The following GRIN3A variants were observed in gnomAD, a reference collection of about 807,000 sequenced individuals.
GRIN3A encodes the protein glutamate receptor ionotropic, NMDA 3A.
In GRIN3A, 47 loss-of-function variants were observed where a neutral mutation model predicts 92.4. That is an observed-to-expected ratio of 0.51 (90% confidence interval 0.40 to 0.65). The LOEUF (loss-of-function observed/expected upper bound fraction) is 0.65. Among genes scored for constraint, GRIN3A ranks in the 30% least tolerant of loss-of-function variants. The pLI is 0.00. For synonymous variants in GRIN3A, 527 were observed against 540.6 expected (o/e 0.97, Z 0.35); for missense variants, 1,324 against 1,393.1 (o/e 0.95, Z 0.79).
chr9:101,690,043 A>G (rs561661494), intron 1 of GRIN3A, among the ~76,000 whole-genome samples: 1 of 152,344 alleles, frequency 6.6e-6, no homozygotes, highest in Admixed American at 6.5e-5. Context: ...TCTATCATGC[A>G]GATAGAGTGA....
intron 2 of GRIN3A, among the ~76,000 whole-genome samples, chr9:101,672,749 T>C (rs1349430949): frequency 6.6e-6 from 1 of 152,154 alleles, no homozygotes; most frequent in Non-Finnish European, 1.5e-5. Context: ...AAACTGTTCA[T>C]TTTGGAAGAT....
rs1830226832 is a variant in GRIN3A, at chr9:101,737,577, G to A, written c.403C>T (p.Leu135=). The change falls in exon 1 of 9, where the codon CTG becomes TTG. Residue 135 remains leucine (L), a synonymous_variant. Coordinates refer to ENST00000361820, the MANE Select transcript of GRIN3A (RefSeq NM_133445.3). Reference sequence around the variant, plus strand: ...GGTAGCAGCCCTTCCACGCGGTTCAGGTTGTCCACGGCAAATAGGAGGGCG... The same window carrying A: ...GGTAGCAGCCCTTCCACGCGGTTCAAGTTGTCCACGGCAAATAGGAGGGCG... The part of the protein sequence containing the change: ...RDALLFAVDN[L]NRVEGLLPYN... 1.9e-6 allele frequency: 3 copies of A among 1,614,134 alleles called. No homozygotes were observed. Among genetic ancestry groups the A allele is most frequent in the Non-Finnish European group, 2.5e-6 (3 of 1,180,028 alleles).
rs1011700327 is a variant in GRIN3A, at chr9:101,738,205, C to A, written c.-226G>T. The A allele has an allele frequency of 1.7e-6, 1 of 603,668 alleles. No homozygotes were observed. The highest frequency in any genetic ancestry group is 1.9e-5 in the African/African-American group (1 of 53,984). The allele number at this position is 603,668 out of a possible 1,614,324, so 37.4% of individuals were successfully genotyped here. A position where few individuals can be genotyped will look rare whatever the true frequency, so the allele number is the denominator to read the frequency against. On this transcript the variant is annotated 5_prime_UTR_variant, in exon 1 of 9. Coordinates refer to ENST00000361820, the MANE Select transcript of GRIN3A (RefSeq NM_133445.3). ...GTCCCTCCGCCTGGCATCCTCTGCCCGCCCGGTCACTGCGCTGAGCAGGCA... is the reference window on the plus strand; with the variant it reads ...GTCCCTCCGCCTGGCATCCTCTGCCAGCCCGGTCACTGCGCTGAGCAGGCA...
At chr9:101,603,746 T>G (rs1344286083) in intron 6 of GRIN3A, among the ~76,000 whole-genome samples, 1 of 152,212 alleles carries the variant, frequency 6.6e-6, no homozygotes, top group African/African-American at 2.4e-5. Context: ...AGGGGCCCTA[T>G]TAACAGGGCA....
intron 3 of GRIN3A, among the ~76,000 whole-genome samples, chr9:101,649,127 T>A (rs1352212559): frequency 6.6e-6 from 1 of 152,038 alleles, no homozygotes; most frequent in East Asian, 1.9e-4. Context: ...TAAAACTATA[T>A]TGCTGTCCTG....
Position 101,708,561 on chromosome 9 carries a change from C to T in GRIN3A, c.700-21361G>A, listed in dbSNP as rs79983120. Among the ~76,000 whole-genome samples the T allele has an allele frequency of 5.7e-3, 872 of 152,156 alleles. 9 individuals are homozygous for T. The highest frequency in any genetic ancestry group is 0.02 in the African/African-American group (836 of 41,516). ...AGATATTAATGTGGTCTAGGAAATA[C>T]GTATATGATCCCTACCATGATAGGG... On this transcript the variant is annotated intron_variant, in intron 1 of 8. Coordinates refer to ENST00000361820, the MANE Select transcript of GRIN3A (RefSeq NM_133445.3).
At position 101,577,812 on chromosome 9, in the gene GRIN3A, T is replaced by C. The variant is rs756940454; in HGVS notation, c.2964A>G (p.Ile988Met). ...RLHRAINTSF[I>M]EEKQQHFKTK... Reference sequence around the variant, plus strand: ...TCTTGAAATGCTGCTGCTTTTCCTCTATAAATGATGTATTTATTGCTCTGT... The same window carrying C: ...TCTTGAAATGCTGCTGCTTTTCCTCCATAAATGATGTATTTATTGCTCTGT... The change falls in exon 8 of 9, where the codon ATA becomes ATG. Residue 988 changes from isoleucine to methionine, a missense_variant. Physicochemically the swap from Ile to Met is conservative, Grantham distance 10 (BLOSUM62 1). Coordinates refer to ENST00000361820, the MANE Select transcript of GRIN3A (RefSeq NM_133445.3). 1 of 1,612,754 alleles carries C rather than the reference T, an allele frequency of 6.2e-7. No homozygotes were observed.
chr9:101,676,130 C>G (rs945689903), intron 2 of GRIN3A, among the ~76,000 whole-genome samples: 3 of 141,744 alleles, frequency 2.1e-5, no homozygotes, highest in African/African-American at 7.7e-5. Flanking sequence ...TCATTTCTGT[C>G]TACATATTAT....
intron 1 of GRIN3A, among the ~76,000 whole-genome samples, chr9:101,701,781 A>C (rs116740484): frequency 0.028 from 4,316 of 152,142 alleles, 206 homozygotes; most frequent in African/African-American, 0.099. Flanking sequence ...AATAGGAGAA[A>C]ATTTTTGCAA....
intron 1 of GRIN3A, among the ~76,000 whole-genome samples, chr9:101,706,898 C>G (rs1829821208): frequency 6.6e-6 from 1 of 152,200 alleles, no homozygotes; most frequent in Non-Finnish European, 1.5e-5. Context: ...TATAGTCTCT[C>G]AAGTCAGGGA....
At chr9:101,576,702 C>A (rs1469808854) in intron 8 of GRIN3A, among the ~76,000 whole-genome samples, 1 of 152,172 alleles carries the variant, frequency 6.6e-6, no homozygotes, top group Non-Finnish European at 1.5e-5. Flanking sequence ...GACTAGTATA[C>A]AGCTTGTCAC....
chr9:101,658,748 ATCTG>A (rs1191152645), intron 3 of GRIN3A, among the ~76,000 whole-genome samples: 1 of 150,472 alleles, frequency 6.6e-6, no homozygotes, highest in East Asian at 2.0e-4. Flanking sequence ...TTGTCTATCT[ATCTG>A]TCTATCTGTC....
chr9:101,633,798 AG>A (rs141451319), intron 3 of GRIN3A, among the ~76,000 whole-genome samples: 20,866 of 152,104 alleles, frequency 0.14, 1,884 homozygotes, highest in Non-Finnish European at 0.2. Context: ...GGTGCCAAAA[AG>A]GTTGGGGACT....
At chr9:101,620,623 T>G (rs1166571722) in intron 5 of GRIN3A, among the ~76,000 whole-genome samples, 2 of 152,152 alleles carry the variant, frequency 1.3e-5, no homozygotes, top group Non-Finnish European at 2.9e-5. Flanking sequence ...GGTACCTATT[T>G]CAAACCTAAT....
In GRIN3A at chr9:101,707,393, C is replaced by T. The variant is rs1030488363; in HGVS notation, c.700-20193G>A. ...CCAACTCGGAAAAGCATCCATTTGA[C>T]TGCTCTTCTTTATGGCTACTTTATT... On this transcript the variant is annotated intron_variant, in intron 1 of 8. Coordinates refer to ENST00000361820, the MANE Select transcript of GRIN3A (RefSeq NM_133445.3). Among the ~76,000 whole-genome samples, 5 of 152,316 alleles carry T rather than the reference C, an allele frequency of 3.3e-5. No individual in the cohort carries two copies. The South Asian group carries it at 6.2e-4, about 19-fold the overall frequency.
intron 6 of GRIN3A, among the ~76,000 whole-genome samples, chr9:101,610,012 A>G (rs1828338980): frequency 6.6e-6 from 1 of 152,206 alleles, no homozygotes; most frequent in South Asian, 2.1e-4. Flanking sequence ...TCTTGCTGTC[A>G]ATTCTGAATC....
intron 3 of GRIN3A, among the ~76,000 whole-genome samples, chr9:101,644,581 GA>G (rs1348559937): frequency 6.6e-6 from 1 of 151,752 alleles, no homozygotes; most frequent in Non-Finnish European, 1.5e-5. Context: ...GGAAATTATG[GA>G]AAAACTTAAC....
intron 3 of GRIN3A, among the ~76,000 whole-genome samples, chr9:101,654,252 T>C (rs1829053217): frequency 6.6e-6 from 1 of 150,678 alleles, no homozygotes; most frequent in Non-Finnish European, 1.5e-5. Flanking sequence ...TGTTTTATCA[T>C]TACAAATTCT....
rs776635852 is a variant in GRIN3A at position 101,687,006 on chromosome 9, G to A, written c.894C>T (p.Thr298=). ...KFHLGSIINI[T]ANLPSTQDLL... is the part of the protein sequence containing the mutation. ...GGTCCTGGGTGGAGGGGAGGTTAGC[G>A]GTGATGTTGATGATAGAACCAAGGT... The change falls in exon 2 of 9, where the codon ACC becomes ACT. Residue 298 remains threonine (T), a synonymous_variant. Transcript: ENST00000361820. 49 of 1,613,994 alleles carry A rather than the reference G, an allele frequency of 3.0e-5. No homozygotes were observed. The highest frequency in any genetic ancestry group is 2.4e-4 in the South Asian group (22 of 91,082).
Sources: allele counts gnomAD v4.1 joint callset (sites outside exome capture counted in the v4.1 genomes callset), GRCh38; gene constraint gnomAD v4.1.1; transcripts MANE v1.5; gene names NCBI Gene and HGNC (gene_info 2026-07-23, HGNC 2026-07-21).